MTFR1L: variants seen among roughly 807,000 people sequenced by gnomAD.
The protein encoded by MTFR1L is mitochondrial fission regulator 1 like.
MTFR1L carries 10 observed loss-of-function variants against 27.9 expected under a neutral mutation model. That is an observed-to-expected ratio of 0.36 (90% CI 0.22 to 0.61). The LOEUF (loss-of-function observed/expected upper bound fraction) is 0.61. Among genes scored for constraint, MTFR1L ranks in the 20% least tolerant of loss-of-function variants. MTFR1L has a pLI of 0.73. For missense variants in MTFR1L, 315 were observed against 363.7 expected, an observed-to-expected ratio of 0.87 and a Z score of 1.09; for synonymous variants, 151 against 139.4, an observed-to-expected ratio of 1.08 and a Z score of -0.58.
At position 25,823,046 on chromosome 1, in the gene MTFR1L, C is replaced by T. The variant is rs746335413; in HGVS notation, c.-59C>T. 5 of 1,614,000 alleles carry T rather than the reference C, an allele frequency of 3.1e-6. No individual in the cohort carries two copies. In the Admixed American group the frequency reaches 8.3e-5, roughly 27 times the overall value. ...GGCCTGATATGAAGGAGTCACGCCT[C>T]CCGCCTCCCGGAGCTGCCCAGTGGC... On this transcript the variant is annotated 5_prime_UTR_variant, in exon 2 of 7. Coordinates refer to ENST00000374303, the MANE Select transcript of MTFR1L (RefSeq NM_001099625.2).
rs1231574455 is a variant in MTFR1L at position 25,829,636 on chromosome 1, A to AGAGGTG, written c.585_590dup (p.Glu196_Val197dup). ...TCATTAGTGACATCACCGAGGAGAC[A>AGAGGTG]GAGGTGGAGGTCCCTGAGCTTCCAT... On this transcript the variant is annotated inframe_insertion, in exon 6 of 7. Coordinates refer to ENST00000374303, the MANE Select transcript of MTFR1L (RefSeq NM_001099625.2). The AGAGGTG allele has an allele frequency of 6.2e-7, 1 of 1,614,120 alleles. No homozygotes were observed. The highest frequency in any genetic ancestry group is 8.5e-7 in the Non-Finnish European group (1 of 1,180,038).
At chr1:25,827,081 A>G (rs2048178535) in intron 5 of MTFR1L, among the ~76,000 whole-genome samples, 1 of 152,006 alleles carries the variant, frequency 6.6e-6, no homozygotes, top group Non-Finnish European at 1.5e-5. Context: ...TTAGCCCCCA[A>G]ACTGATACCC....
chr1:25,826,315 T>C lies in MTFR1L; in HGVS notation c.143T>C (p.Ile48Thr). Reference sequence around the variant, plus strand: ...GCTTCTCCATAGACCCTGCCCAACATCTCTGACCTGTGTTTGAGAGATGTG... The same window carrying C: ...GCTTCTCCATAGACCCTGCCCAACACCTCTGACCTGTGTTTGAGAGATGTG... The part of the protein sequence containing the change: ...ARASFETLPN[I>T]SDLCLRDVPP... Residue 48 changes from isoleucine (I) to threonine (T), a missense_variant, in exon 4 of 7, where the codon ATC becomes ACC. Ile to Thr is a moderately conservative substitution (Grantham distance 89). Transcript: ENST00000374303. The surrounding 1 kb of genome is among the most constrained non-coding windows in gnomAD (Gnocchi z 4.1). 6.2e-7 allele frequency: 1 copy of C among 1,614,128 alleles called. No homozygotes were observed. Among genetic ancestry groups the C allele is most frequent in the Non-Finnish European group, 8.5e-7 (1 of 1,180,014 alleles).
chr1:25,828,911 C>G (rs2048202148), intron 5 of MTFR1L, among the ~76,000 whole-genome samples: 1 of 152,096 alleles, frequency 6.6e-6, no homozygotes, highest in South Asian at 2.1e-4. Flanking sequence ...TATTTCTTGG[C>G]TACTTTTTTG....
rs2048064581 is a variant in MTFR1L, at chr1:25,820,045, G to GGGAGGCGC, written c.-87+24_-87+31dup. 1 of 394,786 alleles carries GGGAGGCGC rather than the reference G, an allele frequency of 2.5e-6. No individual in the cohort carries two copies. The highest frequency in any genetic ancestry group is 4.9e-6 in the Non-Finnish European group (1 of 203,504). The allele number at this position is 394,786 out of a possible 1,614,324, so 24.5% of individuals were successfully genotyped here. A position where few individuals can be genotyped will look rare whatever the true frequency, so the allele number is the denominator to read the frequency against. On this transcript the variant is annotated intron_variant, in intron 1 of 6. Coordinates refer to ENST00000374303, the MANE Select transcript of MTFR1L (RefSeq NM_001099625.2). ...CGAGCTTGAGGTGAGAAAGGTTCTA[G>GGGAGGCGC]GGAGGCGCGGAGGCGGGAGCGCGAC...
chr1:25,824,306 CAG>C (rs1400654143), intron 3 of MTFR1L, among the ~76,000 whole-genome samples: 1 of 152,212 alleles, frequency 6.6e-6, no homozygotes, highest in African/African-American at 2.4e-5. Context: ...CACTCAGCAG[CAG>C]AGATTCCTAC....
intron 5 of MTFR1L, among the ~76,000 whole-genome samples, chr1:25,828,420 A>T (rs185744261): frequency 3.9e-5 from 6 of 151,994 alleles, no homozygotes; most frequent in African/African-American, 1.4e-4. Flanking sequence ...CTGTCTCTAT[A>T]AAAAATACAA....
chr1:25,822,775 C>T, intron 1 of MTFR1L: 1 of 585,310 alleles, frequency 1.7e-6, no homozygotes, highest in South Asian at 2.1e-5. Context: ...ATCCGCCCAC[C>T]TCGGCCTCCC....
Position 25,826,741 on chromosome 1 carries a change from G to A in MTFR1L, c.366G>A (p.Leu122=). The A allele has an allele frequency of 6.2e-7, 1 of 1,614,150 alleles. No homozygotes were observed. Among genetic ancestry groups the A allele is most frequent in the South Asian group, 1.1e-5 (1 of 91,088 alleles). ...TTCTGGCCCTGAAGAAGCCAGCTCT[G>A]CCAGCCCTAAGCCGCACTACTGAGC... ...ERLLALKKPA[L]PALSRTTELQ... The change falls in exon 5 of 7, where the codon CTG becomes CTA. Residue 122 remains leucine, a synonymous_variant. Transcript: ENST00000374303. The surrounding 1 kb of genome is among the most constrained non-coding windows in gnomAD (Gnocchi z 4.1).
rs2048252144 is a variant in MTFR1L, at chr1:25,832,116, A to G, written c.*90A>G. ...CCGCAGATGTTTCTGCCTCTTAAGG[A>G]TAGATCTTCTGCAACAGTCTTGCTG... On this transcript the variant is annotated 3_prime_UTR_variant, in exon 7 of 7. Transcript: ENST00000374303. 1 of 1,604,034 alleles carries G rather than the reference A, an allele frequency of 6.2e-7. No homozygotes were observed.
Position 25,826,179 on chromosome 1 carries a change from GC to G in MTFR1L, c.130-118del. The G allele has an allele frequency of 1.4e-6, 1 of 737,374 alleles. No individual in the cohort carries two copies. Among genetic ancestry groups the G allele is most frequent in the South Asian group, 1.8e-5 (1 of 57,142 alleles). 45.7% of individuals were successfully genotyped at this position (737,374 alleles called of 1,614,324 possible). On this transcript the variant is annotated intron_variant, in intron 3 of 6. Coordinates refer to ENST00000374303, the MANE Select transcript of MTFR1L (RefSeq NM_001099625.2). The surrounding 1 kb of genome is among the most constrained non-coding windows in gnomAD (Gnocchi z 4.1). ...TGTTTTCGACCAGGAACCTTCTTCT[GC>G]CCCCTCTAGGAAGCCTTCCTGACAC...
In MTFR1L at chr1:25,822,896, C is replaced by T. The variant is rs184840222; in HGVS notation, c.-86-123C>T. 401 of 736,576 alleles carry T rather than the reference C, an allele frequency of 5.4e-4. 1 individual carries two copies. The African/African-American group carries it at 5.9e-3, about 11-fold the overall frequency. The allele number at this position is 736,576 out of a possible 1,614,324, so 45.6% of individuals were successfully genotyped here. ...TGTTGGGTGAGGGCAGCCTCTTGGGCTGGTTTTCTCCCCTGTGAAGTCATG... is the reference window on the plus strand; with the variant it reads ...TGTTGGGTGAGGGCAGCCTCTTGGGTTGGTTTTCTCCCCTGTGAAGTCATG... On this transcript the variant is annotated intron_variant, in intron 1 of 6. Transcript: ENST00000374303.
rs371370573 is a variant in MTFR1L at position 25,822,997 on chromosome 1, G to T, written c.-86-22G>T. On this transcript the variant is annotated intron_variant, in intron 1 of 6. Coordinates refer to ENST00000374303, the MANE Select transcript of MTFR1L (RefSeq NM_001099625.2). ...CACTGTGGGGGGTTGTTTCACAAGA[G>T]GGAAATCTGGTGCTCCTCCAGATGG... The T allele has an allele frequency of 1.5e-4, 238 of 1,601,874 alleles. 1 individual carries two copies. The African/African-American group carries it at 2.7e-3, about 18-fold the overall frequency.
rs781356037 is a variant in MTFR1L, at chr1:25,829,728, C to T, written c.671C>T (p.Ser224Leu). 27 of 1,613,794 alleles carry T rather than the reference C, an allele frequency of 1.7e-5. No individual in the cohort carries two copies. The highest frequency in any genetic ancestry group is 1.2e-4 in the South Asian group (11 of 91,088). ...CKPEHKAACS[S>L]SEEDDCVSLS... ...CCAGAACACAAAGCTGCCTGCAGTT[C>T]GTCTGAAGAGGATGACTGCGTCTCT... Residue 224 changes from serine (S) to leucine (L), a missense_variant, in exon 6 of 7, where the codon TCG becomes TTG. Physicochemically the swap from Ser to Leu is moderately radical, Grantham distance 145. Transcript: ENST00000374303.
At chr1:25,829,447 G>A (rs2048208116) in intron 5 of MTFR1L, 62 bp from the exon 6 acceptor site, 2 of 1,425,870 alleles carry the variant, frequency 1.4e-6, no homozygotes, top group Admixed American at 3.6e-5. Context: ...GCTGTGGGGA[G>A]AAGATATTGC....
At position 25,832,047 on chromosome 1, in the gene MTFR1L, TC is replaced by T. The variant is rs373824378; in HGVS notation, c.*22del. On this transcript the variant is annotated 3_prime_UTR_variant, in exon 7 of 7. Coordinates refer to ENST00000374303, the MANE Select transcript of MTFR1L (RefSeq NM_001099625.2). ...ATTGACAACCCTCAGCTCTGCAAAC[TC>T]AGTCTCATGCTCCTGGAATACCTTC... 1.7e-5 allele frequency: 27 copies of T among 1,613,932 alleles called. 1 individual carries two copies. In the African/African-American group the frequency reaches 1.7e-4, roughly 10 times the overall value.
In MTFR1L at chr1:25,823,056, G is replaced by A. The variant is rs370526770; in HGVS notation, c.-49G>A. On this transcript the variant is annotated 5_prime_UTR_variant, in exon 2 of 7. Transcript: ENST00000374303. ...GAAGGAGTCACGCCTCCCGCCTCCC[G>A]GAGCTGCCCAGTGGCTGCCTTGTCC... The A allele has an allele frequency of 1.7e-5, 27 of 1,614,018 alleles. No homozygotes were observed. The highest frequency in any genetic ancestry group is 1.1e-4 in the South Asian group (10 of 91,092).
intron 5 of MTFR1L, among the ~76,000 whole-genome samples, chr1:25,827,923 C>T (rs1253385554): frequency 4.6e-5 from 7 of 152,112 alleles, no homozygotes; most frequent in South Asian, 2.1e-4. Context: ...GATAGGGTTT[C>T]GCCATTGCCC....
At chr1:25,829,963 A>G (rs2048216399) in intron 6 of MTFR1L, 133 bp downstream of exon 6, 5 of 970,606 alleles carry the variant, frequency 5.2e-6, no homozygotes, top group African/African-American at 1.6e-5. Flanking sequence ...CTTGCTGACT[A>G]CCTGCTTGCC....
Sources: allele counts gnomAD v4.1 joint callset (sites outside exome capture counted in the v4.1 genomes callset), GRCh38; gene constraint gnomAD v4.1.1; non-coding constraint Gnocchi (gnomAD v3.1); transcripts MANE v1.5; gene names NCBI Gene and HGNC (gene_info 2026-07-23, HGNC 2026-07-21).